CFAP61: variants seen among roughly 807,000 people sequenced by gnomAD.
CFAP61 encodes cilia and flagella associated protein 61.
A neutral mutation model predicts 135.6 loss-of-function variants in CFAP61; 107 were observed. The observed-to-expected ratio is 0.79, with a 90% CI of 0.67 to 0.93. The LOEUF (loss-of-function observed/expected upper bound fraction) is 0.93. Among genes scored for constraint, CFAP61 ranks in the 40% least tolerant of loss-of-function variants. The pLI is 0.00. For missense variants in CFAP61, 1,507 were observed against 1,556.2 expected (o/e 0.97, Z 0.53); for synonymous variants, 575 against 578.5 (o/e 0.99, Z 0.09).
Position 20,126,704 on chromosome 20 carries a change from C to G in CFAP61, c.860-16153C>G, listed in dbSNP as rs151151337. On this transcript the variant is annotated intron_variant, in intron 8 of 26. Transcript: ENST00000245957. ...GATGACAGTTTGCCTAGGCAATGAT[C>G]TTTTTGTGTTGAATTTCTCAGGTGT... is the stretch of plus-strand genomic sequence containing the variant. 3.8e-3 allele frequency among the ~76,000 whole-genome samples: 577 copies of G among 151,932 alleles called. 18 individuals are homozygous for G. The South Asian group carries it at 0.065, about 17-fold the overall frequency.
At chr20:20,140,023 C>T (rs1380688474) in intron 8 of CFAP61, among the ~76,000 whole-genome samples, 13 of 151,008 alleles carry the variant, frequency 8.6e-5, no homozygotes, top group Admixed American at 8.6e-4. Context: ...CACAAGTTTT[C>T]TGCTGATCAA....
chr20:20,111,340 A>G (rs1017261844), intron 8 of CFAP61, among the ~76,000 whole-genome samples: 8 of 152,164 alleles, frequency 5.3e-5, no homozygotes, highest in African/African-American at 1.4e-4. Context: ...GATTTCACCT[A>G]TAATGCCTAT....
intron 3 of CFAP61, 75 bp from the exon 4 acceptor site, chr20:20,074,226 AC>A (rs1168554436): frequency 1.7e-6 from 2 of 1,192,084 alleles, no homozygotes; most frequent in African/African-American, 1.5e-5. Context: ...ATGCCCCGAA[AC>A]CCTCTTTCCA....
chr20:20,290,083 G>A (rs915906882), intron 23 of CFAP61, among the ~76,000 whole-genome samples: 2 of 152,116 alleles, frequency 1.3e-5, no homozygotes, highest in African/African-American at 4.8e-5. Context: ...GAGCAATGGC[G>A]GCTACATTAT....
At position 20,199,918 on chromosome 20, in the gene CFAP61, G is replaced by A; in HGVS notation, c.1932+16G>A. 6.2e-7 allele frequency: 1 copy of A among 1,613,008 alleles called. No homozygotes were observed. The highest frequency in any genetic ancestry group is 8.5e-7 in the Non-Finnish European group (1 of 1,179,746). ...CAAGGATCCGGTGGGTAGCAGGGCGGCAGGCAGGGCGGCGCGGTGCCAGCT... is the reference window on the plus strand; with the variant it reads ...CAAGGATCCGGTGGGTAGCAGGGCGACAGGCAGGGCGGCGCGGTGCCAGCT... On this transcript the variant is annotated intron_variant, in intron 17 of 26. Coordinates refer to ENST00000245957, the MANE Select transcript of CFAP61 (RefSeq NM_015585.4).
chr20:20,290,000 T>C (rs1225013894), intron 23 of CFAP61, among the ~76,000 whole-genome samples: 2 of 152,226 alleles, frequency 1.3e-5, no homozygotes, highest in African/African-American at 4.8e-5. Flanking sequence ...GATCTGGTTT[T>C]GGCAGATACA....
intron 25 of CFAP61, among the ~76,000 whole-genome samples, chr20:20,327,883 C>T (rs1274226115): frequency 2.0e-5 from 3 of 148,938 alleles, no homozygotes; most frequent in Non-Finnish European, 4.4e-5. Context: ...CCCAGTAGAT[C>T]ATATCCATGA....
chr20:20,288,284 A>G (rs2054741549), intron 22 of CFAP61, among the ~76,000 whole-genome samples: 3 of 152,186 alleles, frequency 2.0e-5, no homozygotes, highest in Admixed American at 1.3e-4. Context: ...TAGGAGCATG[A>G]GGGGAAGGCA....
intron 17 of CFAP61, chr20:20,221,247 C>T (rs1341307137): frequency 6.6e-6 from 1 of 152,200 alleles, no homozygotes; most frequent in Non-Finnish European, 1.5e-5. Flanking sequence ...TATCTTGGTT[C>T]ATGTGCTAAT....
intron 18 of CFAP61, among the ~76,000 whole-genome samples, chr20:20,240,595 C>T (rs1390468335): frequency 1.3e-5 from 2 of 150,810 alleles, no homozygotes; most frequent in African/African-American, 4.9e-5. Context: ...TTGCCTGGAT[C>T]CTGATTAATA....
intron 8 of CFAP61, among the ~76,000 whole-genome samples, chr20:20,109,455 G>T (rs999531882): frequency 6.6e-6 from 1 of 152,136 alleles, no homozygotes; most frequent in African/African-American, 2.4e-5. Context: ...GCTCTTGGTT[G>T]TTCCATACGT....
chr20:20,172,092 TA>T, intron 13 of CFAP61: 1 of 668,310 alleles, frequency 1.5e-6, no homozygotes, highest in Non-Finnish European at 2.0e-6. Context: ...ATGTGTCCAG[TA>T]AAAAACTCAG....
intron 8 of CFAP61, among the ~76,000 whole-genome samples, chr20:20,131,342 C>CTATT (rs11472406): frequency 0.9 from 136,229 of 151,052 alleles, 62,246 homozygotes; most frequent in Middle Eastern, 0.99. Context: ...TGTTATATAC[C>CTATT]TATTTGTTAT....
At chr20:20,327,771 G>C (rs6136997) in intron 25 of CFAP61, among the ~76,000 whole-genome samples, 1 of 107,648 alleles carries the variant, frequency 9.3e-6, no homozygotes, top group Non-Finnish European at 1.8e-5. Flanking sequence ...CAGAGCAAGA[G>C]CCTGTCAAAA....
chr20:20,052,719 C>T, intron 1 of CFAP61, 128 bp downstream of exon 1: 2 of 1,607,408 alleles, frequency 1.2e-6, no homozygotes. Flanking sequence ...CGAGCCGTGG[C>T]GCCCTGCAAG....
At chr20:20,275,750 A>G (rs2053705209) in intron 21 of CFAP61, among the ~76,000 whole-genome samples, 1 of 152,090 alleles carries the variant, frequency 6.6e-6, no homozygotes, top group Admixed American at 6.6e-5. Flanking sequence ...AAGACCTAAA[A>G]CCTTTTATAG....
rs1463409492 is a variant in CFAP61 at position 20,269,210 on chromosome 20, T to C, written c.2503+6080T>C. The stretch of plus-strand genomic sequence containing the variant: ...ACACATATATACATATATGTATATA[T>C]ACACATATATACATATATGTATATA... On this transcript the variant is annotated intron_variant, in intron 21 of 26. Transcript: ENST00000245957. Among the ~76,000 whole-genome samples the C allele has an allele frequency of 4.7e-4, 65 of 139,118 alleles. 2 individuals are homozygous for C. The highest frequency in any genetic ancestry group is 2.2e-3 in the South Asian group (10 of 4,502). 91.3% of individuals were successfully genotyped at this position (139,118 alleles called of 152,430 possible). A position where few individuals can be genotyped will look rare whatever the true frequency, so the allele number is the denominator to read the frequency against.
At chr20:20,151,659 T>C (rs1350916996) in intron 9 of CFAP61, among the ~76,000 whole-genome samples, 1 of 151,682 alleles carries the variant, frequency 6.6e-6, no homozygotes, top group African/African-American at 2.4e-5. Context: ...ACCCCGTCTC[T>C]ACTAAAAATA....
At chr20:20,355,406 GTGAGGGGAGGTGGTCACAC>G (rs1400062196) in intron 26 of CFAP61, among the ~76,000 whole-genome samples, 1 of 70,580 alleles carries the variant, frequency 1.4e-5, no homozygotes. Context: ...TGGTCACACT[GTGAGGGGAGGTGGTCACAC>G]TGAGGGGAGG....
Sources: gnomAD v4.1 joint callset for allele counts (sites outside exome capture counted in the v4.1 genomes callset) on GRCh38, gnomAD v4.1.1 for gene constraint, MANE v1.5 for transcripts, NCBI Gene and HGNC (gene_info 2026-07-23, HGNC 2026-07-21) for gene names.